EPHA4: variants seen among roughly 807,000 people sequenced by gnomAD.
EPHA4 encodes ephrin type-A receptor 4.
A neutral mutation model predicts 108.3 loss-of-function variants in EPHA4; 19 were observed. The ratio of observed to expected loss-of-function variants is 0.18; its 90% CI spans 0.12 to 0.26. The LOEUF (loss-of-function observed/expected upper bound fraction) is 0.26. Among genes scored for constraint, EPHA4 ranks in the 10% least tolerant of loss-of-function variants. The probability of loss-of-function intolerance (pLI) is 1.00; values close to 1 mark genes in which losing one functional copy is unlikely to be tolerated. For synonymous variants in EPHA4, 449 were observed against 455.5 expected (o/e 0.99, Z 0.18); for missense variants, 917 against 1,254.0 (o/e 0.73, Z 4.06).
intron 4 of EPHA4, among the ~76,000 whole-genome samples, chr2:221,491,971 C>G (rs2106149778): frequency 6.6e-6 from 1 of 151,942 alleles, no homozygotes; most frequent in South Asian, 2.1e-4. Flanking sequence ...GCTGAGATTG[C>G]ACCACTGGGA....
At chr2:221,445,813 A>T (rs1228728879) in intron 9 of EPHA4, among the ~76,000 whole-genome samples, 1 of 152,108 alleles carries the variant, frequency 6.6e-6, no homozygotes, top group Non-Finnish European at 1.5e-5. Context: ...GATTAAAAAA[A>T]ATACCCATTT....
rs973180313 is a variant in EPHA4, at chr2:221,420,302, T to A, written c.*1070A>T. ...TGCTGCGAGACAGTGCATTCCTCAG[T>A]GCAACTGGAGAACAGATGCTGAATC... On this transcript the variant is annotated 3_prime_UTR_variant, in exon 18 of 18. Transcript: ENST00000281821. 6.5e-6 allele frequency: 1 copy of A among 152,690 alleles called. No individual in the cohort carries two copies. Among genetic ancestry groups the A allele is most frequent in the Admixed American group, 6.5e-5 (1 of 15,290 alleles). 9.5% of individuals were successfully genotyped at this position (152,690 alleles called of 1,614,324 possible). A position where few individuals can be genotyped will look rare whatever the true frequency, so the allele number is the denominator to read the frequency against.
At chr2:221,424,931 A>C (rs1413106805) in intron 17 of EPHA4, among the ~76,000 whole-genome samples, 2 of 152,178 alleles carry the variant, frequency 1.3e-5, no homozygotes, top group Non-Finnish European at 2.9e-5. Flanking sequence ...GATGGAAAGC[A>C]CACAGCCAAC....
At chr2:221,499,751 TATATA>T (rs1313504439) in intron 4 of EPHA4, among the ~76,000 whole-genome samples, 502 of 45,844 alleles carry the variant, frequency 0.011, 5 homozygotes, top group African/African-American at 0.047. Context: ...TATATATATA[TATATA>T]TTTTTTTTTT....
In EPHA4 at chr2:221,426,636, A is replaced by G; in HGVS notation, c.2691-17T>C. On this transcript the variant is annotated splice_polypyrimidine_tract_variant and intron_variant, in intron 15 of 17. Transcript: ENST00000281821. The stretch of plus-strand genomic sequence containing the variant: ...GTGTTAGGTCTAGAAAGAGAACAAG[A>G]AAATATAAGCAGAACGGAGCTACCA... 6 of 1,607,866 alleles carry G rather than the reference A, an allele frequency of 3.7e-6. No individual in the cohort carries two copies. Among genetic ancestry groups the G allele is most frequent in the Non-Finnish European group, 5.1e-6 (6 of 1,178,088 alleles).
chr2:221,556,391 G>A (rs930406125), intron 3 of EPHA4, among the ~76,000 whole-genome samples: 1 of 151,864 alleles, frequency 6.6e-6, no homozygotes, highest in Non-Finnish European at 1.5e-5. Flanking sequence ...CCATCTCCCA[G>A]GTTCAAACGA....
chr2:221,470,105 T>C (rs1417451933), intron 5 of EPHA4, among the ~76,000 whole-genome samples: 1 of 152,160 alleles, frequency 6.6e-6, no homozygotes, highest in Non-Finnish European at 1.5e-5. Context: ...GTATAAATTA[T>C]AGCATGAAAT....
chr2:221,534,855 G>A (rs1036665131), intron 3 of EPHA4, among the ~76,000 whole-genome samples: 1 of 152,160 alleles, frequency 6.6e-6, no homozygotes, highest in Non-Finnish European at 1.5e-5. Context: ...AGTCGACAGA[G>A]GTGCTCTTCA....
At chr2:221,527,020 A>C (rs955812809) in intron 3 of EPHA4, among the ~76,000 whole-genome samples, 6 of 150,794 alleles carry the variant, frequency 4.0e-5, no homozygotes, top group African/African-American at 1.5e-4. Flanking sequence ...CCAGCTACTC[A>C]GGAGGCTAAG....
chr2:221,551,436 A>G (rs1031281916), intron 3 of EPHA4, among the ~76,000 whole-genome samples: 9 of 152,142 alleles, frequency 5.9e-5, no homozygotes, highest in Admixed American at 2.0e-4. Context: ...CAAAGTTGCA[A>G]TAAAAGTTAT....
chr2:221,550,418 G>GAGAGAGAGAGAGAGAGAGAGA (rs370058097), intron 3 of EPHA4, among the ~76,000 whole-genome samples: 74 of 135,660 alleles, frequency 5.5e-4, no homozygotes, highest in African/African-American at 1.9e-3. Flanking sequence ...TGAGGAAAGG[G>GAGAGAGAGAGAGAGAGAGAGA]GAGAGAGAGA....
chr2:221,526,482 T>C (rs1318246526), intron 3 of EPHA4, among the ~76,000 whole-genome samples: 1 of 151,610 alleles, frequency 6.6e-6, no homozygotes, highest in Middle Eastern at 3.2e-3. Flanking sequence ...GAGCCTGATA[T>C]ACACGTCTCA....
intron 5 of EPHA4, among the ~76,000 whole-genome samples, chr2:221,474,181 C>A (rs149517756): frequency 6.6e-5 from 10 of 152,216 alleles, no homozygotes; most frequent in African/African-American, 2.4e-4. Flanking sequence ...ATTTAGTAGG[C>A]TCTTTTGGCA....
At chr2:221,499,748 A>AT (rs1692427922) in intron 4 of EPHA4, among the ~76,000 whole-genome samples, 15 of 44,970 alleles carry the variant, frequency 3.3e-4, no homozygotes, top group South Asian at 6.9e-4. Context: ...ATATATATAT[A>AT]TATATATATT....
chr2:221,453,712 T>C (rs748464897), intron 8 of EPHA4, among the ~76,000 whole-genome samples: 15 of 152,214 alleles, frequency 9.9e-5, no homozygotes, highest in Non-Finnish European at 2.1e-4. Flanking sequence ...ATTTGACTCA[T>C]CACTCTAATC....
intron 5 of EPHA4, among the ~76,000 whole-genome samples, chr2:221,470,710 C>T (rs1185732537): frequency 6.6e-6 from 1 of 151,968 alleles, no homozygotes; most frequent in Non-Finnish European, 1.5e-5. Flanking sequence ...TGTAAGGAAG[C>T]ACCTGGTGAG....
In EPHA4 at chr2:221,486,468, C is replaced by A. The variant is rs183560069; in HGVS notation, c.980-3778G>T. Among the ~76,000 whole-genome samples, 6 of 152,142 alleles carry A rather than the reference C, an allele frequency of 3.9e-5. No homozygotes were observed. The East Asian group carries it at 1.2e-3, about 30-fold the overall frequency. ...TGTCTTGGCCGGGCACAGTGGCTCA[C>A]GCCTATAATCCCAGCACTTTGGGAG... is the stretch of plus-strand genomic sequence containing the variant. On this transcript the variant is annotated intron_variant, in intron 4 of 17. Coordinates refer to ENST00000281821, the MANE Select transcript of EPHA4 (RefSeq NM_004438.5).
intron 5 of EPHA4, among the ~76,000 whole-genome samples, chr2:221,463,213 T>C (rs1305527350): frequency 1.3e-5 from 2 of 152,122 alleles, no homozygotes; most frequent in African/African-American, 2.4e-5. Context: ...AGTGAAATTG[T>C]AGCAAAATAC....
chr2:221,503,567 C>T (rs1441573531), intron 3 of EPHA4, among the ~76,000 whole-genome samples: 2 of 152,178 alleles, frequency 1.3e-5, no homozygotes, highest in South Asian at 2.1e-4. Flanking sequence ...TTCCTCGAAG[C>T]TGGTATTAAT....
Sources: gnomAD v4.1 joint callset for allele counts (sites outside exome capture counted in the v4.1 genomes callset) on GRCh38, gnomAD v4.1.1 for gene constraint, MANE v1.5 for transcripts, NCBI Gene and HGNC (gene_info 2026-07-23, HGNC 2026-07-21) for gene names.